Variants in SSU72 observed in about 807,000 individuals in gnomAD.
The protein encoded by SSU72 is SSU72 homolog, RNA polymerase II CTD phosphatase.
SSU72 carries 12 observed loss-of-function variants against 22.7 expected under a neutral mutation model. That is an observed-to-expected ratio of 0.53 (90% confidence interval 0.34 to 0.86). The LOEUF (loss-of-function observed/expected upper bound fraction) is 0.86, where lower values mean the gene tolerates loss of function less well. Ranked by LOEUF, SSU72 falls within the 40% of genes least tolerant of loss-of-function variation. The probability of loss-of-function intolerance (pLI) is 0.02; values close to 1 mark genes in which losing one functional copy is unlikely to be tolerated. For synonymous variants in SSU72, 116 were observed against 98.3 expected (o/e 1.18, Z -1.06); for missense variants, 151 against 249.8 (o/e 0.60, Z 2.67).
chr1:1,564,354 T>G (rs1281656098), intron 2 of SSU72: 9 of 962,326 alleles, frequency 9.4e-6, no homozygotes, highest in Non-Finnish European at 1.3e-5. Flanking sequence ...CCTCACCAGA[T>G]GTGTGAAGCA....
At chr1:1,558,168 T>C (rs1474447407) in intron 2 of SSU72, among the ~76,000 whole-genome samples, 1 of 144,682 alleles carries the variant, frequency 6.9e-6, no homozygotes, top group East Asian at 2.1e-4. Flanking sequence ...GCCATTGCAC[T>C]CCAGCCTGGG....
intron 1 of SSU72, among the ~76,000 whole-genome samples, chr1:1,573,236 A>T (rs1642756424): frequency 6.7e-6 from 1 of 148,212 alleles, no homozygotes; most frequent in East Asian, 2.0e-4. Context: ...CCTGGCTAAG[A>T]TGATGAAACT....
chr1:1,549,769 T>A (rs189286850), intron 2 of SSU72, among the ~76,000 whole-genome samples: 4 of 151,966 alleles, frequency 2.6e-5, no homozygotes, highest in African/African-American at 9.6e-5. Context: ...GGTCAGGAGA[T>A]CGAGACCATC....
At chr1:1,572,181 A>C (rs901691242) in intron 1 of SSU72, among the ~76,000 whole-genome samples, 17 of 146,716 alleles carry the variant, frequency 1.2e-4, no homozygotes, top group Admixed American at 4.1e-4. Context: ...TAATCCCAGC[A>C]CTTTGGGAGG....
At chr1:1,550,192 G>GTA (rs1188956150) in intron 2 of SSU72, among the ~76,000 whole-genome samples, 1,839 of 139,222 alleles carry the variant, frequency 0.013, 31 homozygotes, top group African/African-American at 0.041. Flanking sequence ...AAAAAAAAAA[G>GTA]TATATATATA....
rs1642496136 is a variant in SSU72, at chr1:1,554,509, G to A, written c.225-9507C>T. Among the ~76,000 whole-genome samples, 1 of 152,194 alleles carries A rather than the reference G, an allele frequency of 6.6e-6. No individual in the cohort carries two copies. The highest frequency in any genetic ancestry group is 6.5e-5 in the Admixed American group (1 of 15,282). On this transcript the variant is annotated intron_variant, in intron 2 of 4. Coordinates refer to ENST00000291386, the MANE Select transcript of SSU72 (RefSeq NM_014188.3). The surrounding 1 kb of genome is among the most constrained non-coding windows in gnomAD (Gnocchi z 4.1). ...CATACCAGGAAACGCCCCAAACACA[G>A]CTCGGTTTTCCTTACCAAGGTTTTC...
At chr1:1,565,172 G>T (rs1326345983) in intron 1 of SSU72, among the ~76,000 whole-genome samples, 2 of 151,752 alleles carry the variant, frequency 1.3e-5, no homozygotes, top group African/African-American at 4.9e-5. Context: ...AGGAGATCAA[G>T]ACCATCCTGG....
At chr1:1,558,355 G>C (rs971608219) in intron 2 of SSU72, among the ~76,000 whole-genome samples, 1 of 152,096 alleles carries the variant, frequency 6.6e-6, no homozygotes, top group Non-Finnish European at 1.5e-5. Flanking sequence ...ACGACAGAGA[G>C]ACGCCCTGTC....
At chr1:1,556,783 G>A (rs1228521235) in intron 2 of SSU72, among the ~76,000 whole-genome samples, 1 of 152,214 alleles carries the variant, frequency 6.6e-6, no homozygotes, top group East Asian at 1.9e-4. Flanking sequence ...CATCTCACCT[G>A]CTGCAGACTA....
chr1:1,568,470 G>A (rs980576145), intron 1 of SSU72, among the ~76,000 whole-genome samples: 6 of 151,998 alleles, frequency 3.9e-5, no homozygotes, highest in Admixed American at 3.9e-4. Context: ...CAGGCGTGGT[G>A]GTGCGCGCCT....
Position 1,542,327 on chromosome 1 carries a change from G to C in SSU72, c.484-160C>G, listed in dbSNP as rs1642332364. Among the ~76,000 whole-genome samples the C allele has an allele frequency of 6.6e-6, 1 of 152,194 alleles. No individual in the cohort carries two copies. Among genetic ancestry groups the C allele is most frequent in the African/African-American group, 2.4e-5 (1 of 41,446 alleles). ...TGCTGCCTCACAAGGACGGCCGGAG[G>C]CTGCAGGGGGAGAGCGTCCCGGGCA... is the stretch of plus-strand genomic sequence containing the variant. On this transcript the variant is annotated intron_variant, in intron 4 of 4. Coordinates refer to ENST00000291386, the MANE Select transcript of SSU72 (RefSeq NM_014188.3). The surrounding 1 kb of genome is among the most constrained non-coding windows in gnomAD (Gnocchi z 4.4).
rs1398948802 is a variant in SSU72 at position 1,541,818 on chromosome 1, G to A, written c.*248C>T. 2.0e-6 allele frequency: 1 copy of A among 496,360 alleles called. No individual in the cohort carries two copies. The highest frequency in any genetic ancestry group is 3.7e-6 in the Non-Finnish European group (1 of 273,530). The allele number at this position is 496,360 out of a possible 1,614,324, so 30.7% of individuals were successfully genotyped here. A position where few individuals can be genotyped will look rare whatever the true frequency, so the allele number is the denominator to read the frequency against. ...TGTCGGGAAGTGCACACAAACCGTT[G>A]TCTTTCCTTTTTGGTTAAAGAAGAA... On this transcript the variant is annotated 3_prime_UTR_variant, in exon 5 of 5. Transcript: ENST00000291386.
chr1:1,560,921 ATGTCC>A (rs1642582621), intron 2 of SSU72: 1 of 152,240 alleles, frequency 6.6e-6, no homozygotes, highest in Non-Finnish European at 1.5e-5. Flanking sequence ...CAGTGTGTGC[ATGTCC>A]TAATTTATTT....
chr1:1,560,716 G>A (rs1642578296), intron 2 of SSU72: 1 of 152,226 alleles, frequency 6.6e-6, no homozygotes, highest in Non-Finnish European at 1.5e-5. Context: ...GCTGAGAATA[G>A]TGGCTCACGC....
intron 2 of SSU72, among the ~76,000 whole-genome samples, chr1:1,548,968 G>A: frequency 6.6e-6 from 1 of 152,190 alleles, no homozygotes; most frequent in Non-Finnish European, 1.5e-5. Context: ...GTCTGGGGAT[G>A]GGAGAATAAG....
chr1:1,544,732 T>TCA lies in SSU72; in HGVS notation c.364+129_364+130dup, dbSNP rs781181085. 3.7e-6 allele frequency: 5 copies of TCA among 1,351,830 alleles called. No individual in the cohort carries two copies. In the African/African-American group the frequency reaches 7.2e-5, roughly 19 times the overall value. 83.7% of individuals were successfully genotyped at this position (1,351,830 alleles called of 1,614,324 possible). On this transcript the variant is annotated intron_variant, in intron 3 of 4. Coordinates refer to ENST00000291386, the MANE Select transcript of SSU72 (RefSeq NM_014188.3). ...GGCCCTGCCTGCCTTCCAGGGTGCT[T>TCA]CACACTCAGGTCTGCTCCCCGGCCC...
chr1:1,552,536 C>G (rs200519480), intron 2 of SSU72, among the ~76,000 whole-genome samples: 7 of 150,400 alleles, frequency 4.7e-5, no homozygotes, highest in Non-Finnish European at 1.0e-4. Flanking sequence ...TCCTCCCGAG[C>G]CCCCAGCTCA....
intron 3 of SSU72, 120 bp from the exon 4 acceptor site, chr1:1,544,107 A>G: frequency 1.4e-6 from 1 of 724,930 alleles, no homozygotes; most frequent in Admixed American, 2.4e-5. Context: ...TGGTTTCTGG[A>G]CTCTGCAGTT....
At chr1:1,549,536 A>G (rs1272596689) in intron 2 of SSU72, among the ~76,000 whole-genome samples, 1 of 151,306 alleles carries the variant, frequency 6.6e-6, no homozygotes, top group Non-Finnish European at 1.5e-5. Context: ...AAAAAGAAAG[A>G]AAAAGAAAAA....
Sources: gnomAD v4.1 joint callset for allele counts (sites outside exome capture counted in the v4.1 genomes callset) on GRCh38, gnomAD v4.1.1 for gene constraint, Gnocchi (gnomAD v3.1) non-coding constraint, MANE v1.5 for transcripts, NCBI Gene and HGNC (gene_info 2026-07-23, HGNC 2026-07-21) for gene names.